PARD3: variants seen among roughly 807,000 people sequenced by gnomAD.
PARD3 encodes partitioning defective 3 homolog.
Under a neutral mutation model 155.4 loss-of-function variants are expected in PARD3, and 75 were observed. The ratio of observed to expected loss-of-function variants is 0.48; its 90% CI spans 0.40 to 0.58. The LOEUF (loss-of-function observed/expected upper bound fraction) is 0.58. PARD3 is among the 20% of genes least tolerant of loss of function. PARD3 has a pLI of 0.00. For synonymous variants in PARD3, 576 were observed against 610.5 expected, an observed-to-expected ratio of 0.94 and a Z score of 0.83; for missense variants, 1,642 against 1,721.7, an observed-to-expected ratio of 0.95 and a Z score of 0.82.
intron 2 of PARD3, among the ~76,000 whole-genome samples, chr10:34,639,129 C>T (rs1163301549): frequency 1.3e-5 from 2 of 152,174 alleles, no homozygotes; most frequent in African/African-American, 2.4e-5. Context: ...GGTGCAGTGG[C>T]TCACACCTGT....
intron 7 of PARD3, among the ~76,000 whole-genome samples, chr10:34,393,667 G>A (rs557005581): frequency 6.6e-6 from 1 of 151,916 alleles, no homozygotes; most frequent in Non-Finnish European, 1.5e-5. Context: ...AGGGTAGCAG[G>A]ATCACTTGAG....
chr10:34,625,752 A>C (rs1328987213), intron 2 of PARD3, among the ~76,000 whole-genome samples: 1 of 152,176 alleles, frequency 6.6e-6, no homozygotes, highest in Non-Finnish European at 1.5e-5. Flanking sequence ...GTCTCTACTA[A>C]AAATAAAAAT....
At chr10:34,449,914 T>C (rs922874986) in intron 5 of PARD3, among the ~76,000 whole-genome samples, 1 of 152,218 alleles carries the variant, frequency 6.6e-6, no homozygotes, top group African/African-American at 2.4e-5. Flanking sequence ...ATTTCTCTCA[T>C]ACAGTGAAGT....
chr10:34,565,825 G>A (rs1026610404), intron 2 of PARD3, among the ~76,000 whole-genome samples: 9 of 152,182 alleles, frequency 5.9e-5, no homozygotes, highest in African/African-American at 2.2e-4. Flanking sequence ...TTCAAAAAAT[G>A]TGGAATTCAA....
chr10:34,558,940 C>T (rs988403630), intron 2 of PARD3, among the ~76,000 whole-genome samples: 1 of 152,114 alleles, frequency 6.6e-6, no homozygotes, highest in Non-Finnish European at 1.5e-5. Context: ...GAGTGAGACC[C>T]GGTCTTGTAA....
intron 5 of PARD3, among the ~76,000 whole-genome samples, chr10:34,447,603 C>A (rs1042489420): frequency 1.4e-5 from 2 of 147,948 alleles, no homozygotes; most frequent in African/African-American, 5.0e-5. Flanking sequence ...TAGATCAAGA[C>A]CACCTTGACC....
At chr10:34,146,189 A>C (rs1007517408) in intron 22 of PARD3, among the ~76,000 whole-genome samples, 4 of 152,166 alleles carry the variant, frequency 2.6e-5, no homozygotes, top group Non-Finnish European at 4.4e-5. Flanking sequence ...TTACTCTCTA[A>C]TGTTAGACTT....
chr10:34,654,606 C>G (rs1233950821), intron 2 of PARD3, among the ~76,000 whole-genome samples: 1 of 152,216 alleles, frequency 6.6e-6, no homozygotes, highest in Non-Finnish European at 1.5e-5. Context: ...ACATTGAACA[C>G]AAAAACCAAT....
intron 1 of PARD3, among the ~76,000 whole-genome samples, chr10:34,725,105 TTGTGTGTGTGTGTGTGTGTGTGTGTG>T (rs71033342): frequency 7.4e-6 from 1 of 135,784 alleles, no homozygotes; most frequent in East Asian, 2.3e-4. Flanking sequence ...AGTCAAAACT[TTGTGTGTGTGTGTGTGTGTGTGTGTG>T]TGTGTGTGTG....
intron 12 of PARD3, among the ~76,000 whole-genome samples, chr10:34,366,562 A>G (rs978071670): frequency 1.3e-5 from 2 of 152,188 alleles, no homozygotes; most frequent in Non-Finnish European, 2.9e-5. Flanking sequence ...AAACCATGCC[A>G]TGACAGCAGA....
chr10:34,647,299 T>A (rs940126538), intron 2 of PARD3, among the ~76,000 whole-genome samples: 1 of 152,180 alleles, frequency 6.6e-6, no homozygotes, highest in Non-Finnish European at 1.5e-5. Context: ...CATCCCAGCA[T>A]CTGGAAGAGC....
rs1491326864 is a variant in PARD3, at chr10:34,355,958, C to CAAAAAAAAAAA, written c.2067+3188_2067+3189insTTTTTTTTTTT. On this transcript the variant is annotated intron_variant, in intron 14 of 24. Transcript: ENST00000374788. ...AAAAAAAAAAAAAACAAAACAAAACCAAACAAAAAAACAGACAACAGACCC... is the reference window on the plus strand; with the variant it reads ...AAAAAAAAAAAAAACAAAACAAAACCAAAAAAAAAAAAAACAAAAAAACAGACAACAGACCC... 1.4e-4 allele frequency among the ~76,000 whole-genome samples: 16 copies of CAAAAAAAAAAA among 116,208 alleles called. 2 individuals carry two copies. Among genetic ancestry groups the CAAAAAAAAAAA allele is most frequent in the African/African-American group, 5.1e-4 (11 of 21,674 alleles). 76.2% of individuals were successfully genotyped at this position (116,208 alleles called of 152,430 possible).
In PARD3 at chr10:34,394,492, A is replaced by G. The variant is rs530618948; in HGVS notation, c.890+4838T>C. Among the ~76,000 whole-genome samples, 152 of 152,244 alleles carry G rather than the reference A, an allele frequency of 1.0e-3. 1 individual carries two copies. The highest frequency in any genetic ancestry group is 3.5e-3 in the African/African-American group (146 of 41,566). On this transcript the variant is annotated intron_variant, in intron 7 of 24. Coordinates refer to ENST00000374788, the MANE Select transcript of PARD3 (RefSeq NM_001184785.2). ...AGGTGTATGCCAGCACACTCGGCTA[A>G]CTTTTGTATTTTTTGCAGAGACAAG...
At chr10:34,796,180 C>CA (rs1240600112) in intron 1 of PARD3, among the ~76,000 whole-genome samples, 2 of 151,708 alleles carry the variant, frequency 1.3e-5, no homozygotes, top group Non-Finnish European at 2.9e-5. Flanking sequence ...AAAACAAAAA[C>CA]AAAAAAAAGT....
rs541780055 is a variant in PARD3 at position 34,444,045 on chromosome 10, A to T, written c.714+6272T>A. ...CCTGTTTGTATAATCTCCAATTAAA[A>T]GATGTTTTTCTTGATGGAGAGAGCC... On this transcript the variant is annotated intron_variant, in intron 5 of 24. Transcript: ENST00000374788. Among the ~76,000 whole-genome samples the T allele has an allele frequency of 6.4e-4, 98 of 152,294 alleles. 1 individual carries two copies. In the South Asian group the frequency reaches 6.6e-3, roughly 10 times the overall value.
At chr10:34,393,790 T>C (rs1268483925) in intron 7 of PARD3, among the ~76,000 whole-genome samples, 1 of 151,914 alleles carries the variant, frequency 6.6e-6, no homozygotes, top group East Asian at 1.9e-4. Context: ...AGATTTAGAG[T>C]ATCTACTTTA....
chr10:34,378,351 G>A (rs1841465557), intron 9 of PARD3, among the ~76,000 whole-genome samples: 1 of 152,108 alleles, frequency 6.6e-6, no homozygotes, highest in African/African-American at 2.4e-5. Context: ...AAAGACAGAT[G>A]AAAGTTAATA....
At chr10:34,186,994 G>C (rs1239678546) in intron 22 of PARD3, among the ~76,000 whole-genome samples, 2 of 152,314 alleles carry the variant, frequency 1.3e-5, no homozygotes, top group Non-Finnish European at 2.9e-5. Flanking sequence ...CTCTCCTGCT[G>C]TTTAATTGAT....
At chr10:34,436,315 G>A (rs907195514) in intron 5 of PARD3, among the ~76,000 whole-genome samples, 4 of 152,212 alleles carry the variant, frequency 2.6e-5, no homozygotes, top group African/African-American at 9.6e-5. Flanking sequence ...AAACAGTATA[G>A]GAAGCCCACT....
Sources: gnomAD v4.1 joint callset for allele counts (sites outside exome capture counted in the v4.1 genomes callset) on GRCh38, gnomAD v4.1.1 for gene constraint, MANE v1.5 for transcripts, NCBI Gene and HGNC (gene_info 2026-07-23, HGNC 2026-07-21) for gene names.